AKR1E2: variants seen among roughly 807,000 people sequenced by gnomAD.
The protein encoded by AKR1E2 is 1,5-anhydro-D-fructose reductase.
Under a neutral mutation model 41.9 loss-of-function variants are expected in AKR1E2, and 43 were observed. The observed-to-expected ratio is 1.03, with a 90% confidence interval of 0.80 to 1.32. The LOEUF (loss-of-function observed/expected upper bound fraction) is 1.32. Among genes scored for constraint, AKR1E2 ranks in the 40% most tolerant of loss-of-function variants. AKR1E2 has a pLI of 0.00. For synonymous variants in AKR1E2, 121 were observed against 138.9 expected, an observed-to-expected ratio of 0.87 and a Z score of 0.91; for missense variants, 423 against 396.5, an observed-to-expected ratio of 1.07 and a Z score of -0.57.
the AKR1E2 span, among the ~76,000 whole-genome samples, chr10:4,854,912 A>G: frequency 5.9e-5 from 9 of 152,072 alleles, no homozygotes; most frequent in Admixed American, 3.3e-4. Flanking sequence ...GCACTATGGG[A>G]TGTTAACTGC....
At chr10:4,835,366 C>T (rs1481985969) in intron 3 of AKR1E2, among the ~76,000 whole-genome samples, 3 of 152,176 alleles carry the variant, frequency 2.0e-5, no homozygotes, top group Non-Finnish European at 2.9e-5. Flanking sequence ...CATTCTTTAC[C>T]CGAAATTAGT....
At chr10:4,839,209 T>G (rs975839098) in intron 5 of AKR1E2, among the ~76,000 whole-genome samples, 2 of 152,232 alleles carry the variant, frequency 1.3e-5, no homozygotes, top group Non-Finnish European at 2.9e-5. Flanking sequence ...CTCAATTTCA[T>G]TCATTCATTC....
intron 1 of AKR1E2, among the ~76,000 whole-genome samples, chr10:4,827,730 C>G (rs75739770): frequency 0.035 from 5,311 of 152,256 alleles, 149 homozygotes; most frequent in East Asian, 0.11. Context: ...ATTTCTCTTA[C>G]CTGCTTACCA....
At chr10:4,847,089 G>T in intron 8 of AKR1E2, 59 bp from the exon 9 acceptor site, 1 of 1,588,912 alleles carries the variant, frequency 6.3e-7, no homozygotes, top group Non-Finnish European at 8.6e-7. Context: ...TAGGTAACAT[G>T]TGCTCCATTA....
chr10:4,842,801 C>T (rs1833994232), intron 8 of AKR1E2, among the ~76,000 whole-genome samples: 2 of 152,176 alleles, frequency 1.3e-5, no homozygotes, highest in Admixed American at 1.3e-4. Flanking sequence ...GGAGCATGTG[C>T]ACCAGTCACA....
chr10:4,845,641 T>C, intron 8 of AKR1E2: 1 of 443,694 alleles, frequency 2.3e-6, no homozygotes, highest in Non-Finnish European at 4.7e-6. Context: ...GCTCAGCAGG[T>C]GGCAGGGGGC....
chr10:4,847,479 G>C lies in AKR1E2; in HGVS notation c.921-9G>C. ...GTTCCTATTTTTGATTTGTTTTTCT[G>C]TTTTTCAGAACTAAAAATCACAAAG... On this transcript the variant is annotated splice_polypyrimidine_tract_variant and intron_variant, in intron 9 of 9. Transcript: ENST00000298375. The C allele has an allele frequency of 6.2e-7, 1 of 1,610,824 alleles. No individual in the cohort carries two copies. The highest frequency in any genetic ancestry group is 8.5e-7 in the Non-Finnish European group (1 of 1,178,890).
the AKR1E2 span, among the ~76,000 whole-genome samples, chr10:4,863,514 A>G: frequency 2.0e-5 from 3 of 152,184 alleles, no homozygotes; most frequent in Non-Finnish European, 2.9e-5. Context: ...AGCAGGAAAG[A>G]TCTAAAATTG....
intron 1 of AKR1E2, among the ~76,000 whole-genome samples, chr10:4,826,836 G>A (rs919002390): frequency 2.0e-5 from 3 of 152,130 alleles, no homozygotes; most frequent in Non-Finnish European, 2.9e-5. Flanking sequence ...AGCACTTTGG[G>A]AGGCCGAGGC....
chr10:4,864,054 C>T, the AKR1E2 span, among the ~76,000 whole-genome samples: 2 of 152,194 alleles, frequency 1.3e-5, no homozygotes, highest in East Asian at 1.9e-4. Context: ...TGGTACCATT[C>T]CTTCTGAAAC....
chr10:4,837,180 C>G lies in AKR1E2; in HGVS notation c.460-279C>G, dbSNP rs80074696. 0.023 allele frequency among the ~76,000 whole-genome samples: 3,578 copies of G among 152,284 alleles called. 57 individuals carry two copies. The highest frequency in any genetic ancestry group is 0.073 in the East Asian group (379 of 5,170). ...TGACACTTCCTGTGATTCCACATAACCCCTAAACATCCCCGTGGCACAGGC... is the reference window on the plus strand; with the variant it reads ...TGACACTTCCTGTGATTCCACATAAGCCCTAAACATCCCCGTGGCACAGGC... On this transcript the variant is annotated intron_variant, in intron 4 of 9. Transcript: ENST00000298375.
At chr10:4,831,958 A>T (rs936812530) in intron 2 of AKR1E2, among the ~76,000 whole-genome samples, 1 of 152,222 alleles carries the variant, frequency 6.6e-6, no homozygotes, top group Non-Finnish European at 1.5e-5. Flanking sequence ...ACAGCAGTGC[A>T]GGTGGAAGAT....
At position 4,844,098 on chromosome 10, in the gene AKR1E2, C is replaced by G. The variant is rs556296037; in HGVS notation, c.837+1594C>G. 1.9e-4 allele frequency among the ~76,000 whole-genome samples: 29 copies of G among 152,278 alleles called. No homozygotes were observed. In the South Asian group the frequency reaches 3.7e-3, roughly 20 times the overall value. ...TGACTTCAGGAATGAAGCCGCGGAC[C>G]CTTGCGGTGAGTGTTACAGTTCTTA... On this transcript the variant is annotated intron_variant, in intron 8 of 9. Coordinates refer to ENST00000298375, the MANE Select transcript of AKR1E2 (RefSeq NM_001040177.3).
At chr10:4,857,935 CTCATTGT>C in the AKR1E2 span, among the ~76,000 whole-genome samples, 89 of 152,138 alleles carry the variant, frequency 5.8e-4, no homozygotes, top group Non-Finnish European at 9.6e-4. Flanking sequence ...GAAGAACCAA[CTCATTGT>C]TTCATTGTTG....
At chr10:4,863,221 C>T in the AKR1E2 span, among the ~76,000 whole-genome samples, 9 of 152,266 alleles carry the variant, frequency 5.9e-5, no homozygotes, top group African/African-American at 1.7e-4. Context: ...TAAAGCACTC[C>T]TCAGCAAATG....
intron 6 of AKR1E2, among the ~76,000 whole-genome samples, chr10:4,840,952 T>C (rs902840844): frequency 1.5e-4 from 23 of 152,208 alleles, no homozygotes; most frequent in Admixed American, 1.2e-3. Context: ...CTGGGAAACA[T>C]TGGGAACCCC....
chr10:4,828,976 G>T (rs532259186), intron 1 of AKR1E2, among the ~76,000 whole-genome samples: 19 of 152,010 alleles, frequency 1.2e-4, no homozygotes, highest in African/African-American at 4.6e-4. Flanking sequence ...CTACACAAAT[G>T]ATCATATCAT....
chr10:4,844,116 A>C (rs1834106318), intron 8 of AKR1E2, among the ~76,000 whole-genome samples: 1 of 152,138 alleles, frequency 6.6e-6, no homozygotes, highest in Non-Finnish European at 1.5e-5. Context: ...TGAGTGTTAC[A>C]GTTCTTAAAG....
chr10:4,859,381 CAGGG>C, the AKR1E2 span, among the ~76,000 whole-genome samples: 9 of 152,170 alleles, frequency 5.9e-5, no homozygotes, highest in East Asian at 1.7e-3. Context: ...GGCCAAGAGG[CAGGG>C]AGGAAGACAT....
Sources: allele counts gnomAD v4.1 joint callset (sites outside exome capture counted in the v4.1 genomes callset), GRCh38; gene constraint gnomAD v4.1.1; transcripts MANE v1.5; gene names NCBI Gene and HGNC (gene_info 2026-07-23, HGNC 2026-07-21).